Variants in MIA3 observed in about 807,000 individuals in gnomAD.
MIA3 encodes transport and Golgi organization protein 1 homolog.
MIA3 carries 90 observed loss-of-function variants against 192.4 expected under a neutral mutation model. The ratio of observed to expected loss-of-function variants is 0.47; its 90% CI spans 0.39 to 0.56. MIA3 has a LOEUF of 0.56. MIA3 is among the 20% of genes least tolerant of loss of function. MIA3 has a pLI of 0.00. For missense variants in MIA3, 2,123 were observed against 2,269.4 expected (o/e 0.94, Z 1.31); for synonymous variants, 740 against 792.8 (o/e 0.93, Z 1.12).
intron 17 of MIA3, 47 bp from the exon 18 acceptor site, chr1:222,654,608 A>C (rs779138000): frequency 6.2e-7 from 1 of 1,601,172 alleles, no homozygotes; most frequent in Non-Finnish European, 8.5e-7. Flanking sequence ...CCAAGTTCTC[A>C]AGTTCTTGTG....
At chr1:222,644,362 A>G (rs1663021686) in intron 6 of MIA3, 2 of 1,503,842 alleles carry the variant, frequency 1.3e-6, no homozygotes, top group African/African-American at 1.4e-5. Flanking sequence ...GCGAAGTTCA[A>G]TCCCAGAGTC....
At position 222,644,357 on chromosome 1, in the gene MIA3, G is replaced by A; in HGVS notation, c.3478-1197G>A. On this transcript the variant is annotated intron_variant, in intron 6 of 27. Transcript: ENST00000344922. ...AGTGCAGGCAGCTGTGGAAGGCGAA[G>A]TTCAATCCCAGAGTCCGCCCCCTGA... 2.0e-6 allele frequency: 3 copies of A among 1,497,290 alleles called. No individual in the cohort carries two copies. In the South Asian group the frequency reaches 3.9e-5, roughly 19 times the overall value. 92.8% of individuals were successfully genotyped at this position (1,497,290 alleles called of 1,614,324 possible). A position where few individuals can be genotyped will look rare whatever the true frequency, so the allele number is the denominator to read the frequency against.
chr1:222,628,114 A>G lies in MIA3; in HGVS notation c.894A>G (p.Ser298=). The G allele has an allele frequency of 1.2e-6, 2 of 1,614,022 alleles. No homozygotes were observed. Among genetic ancestry groups the G allele is most frequent in the Non-Finnish European group, 1.7e-6 (2 of 1,180,034 alleles). Residue 298 remains serine (S), a synonymous_variant, in exon 4 of 28, where the codon TCA becomes TCG. Transcript: ENST00000344922. ...ATGAGACAACCAGACTCGTTACTTC[A>G]TTAGAAGATGATTTTGATGAGGAAT... ...SDDETTRLVT[S]LEDDFDEELD...
intron 18 of MIA3, among the ~76,000 whole-genome samples, chr1:222,657,205 C>A (rs1571905355): frequency 6.6e-6 from 1 of 152,194 alleles, no homozygotes; most frequent in African/African-American, 2.4e-5. Context: ...TAAAATCATT[C>A]AAAAATGGCT....
At chr1:222,646,733 C>CA (rs1034990060) in intron 7 of MIA3, among the ~76,000 whole-genome samples, 242 of 151,724 alleles carry the variant, frequency 1.6e-3, no homozygotes, top group African/African-American at 5.7e-3. Flanking sequence ...GACTCTGTCT[C>CA]AAAAAAAAGT....
rs759301619 is a variant in MIA3 at position 222,629,101 on chromosome 1, A to G, written c.1881A>G (p.Gln627=). 6.2e-7 allele frequency: 1 copy of G among 1,614,246 alleles called. No homozygotes were observed. The highest frequency in any genetic ancestry group is 1.1e-5 in the South Asian group (1 of 91,084). ...AAGAGGAATTAGTTCTTAAAACTCA[A>G]AACCAACCTAGATTCTCCTCTCCAG... is the stretch of plus-strand genomic sequence containing the variant. ...ELKEELVLKT[Q]NQPRFSSPDE... is the part of the protein sequence containing the mutation. Residue 627 remains glutamine, a synonymous_variant, in exon 4 of 28, where the codon CAA becomes CAG. Transcript: ENST00000344922.
chr1:222,621,176 G>A lies in MIA3; in HGVS notation c.151G>A (p.Glu51Lys). ...DECSMLMYRG[E>K]ALEDFTGPDC... is the part of the protein sequence containing the mutation. Reference sequence around the variant, plus strand: ...ATATACAGTGTTAATGTACCGCGGTGAGGCTCTTGAAGATTTCACAGGCCC... The same window carrying A: ...ATATACAGTGTTAATGTACCGCGGTAAGGCTCTTGAAGATTTCACAGGCCC... Residue 51 changes from glutamate (E) to lysine (K), a missense_variant, in exon 2 of 28, where the codon GAG becomes AAG. By Grantham distance (56) the Glu-to-Lys change is moderately conservative (BLOSUM62 1). Transcript: ENST00000344922. 1 of 1,612,708 alleles carries A rather than the reference G, an allele frequency of 6.2e-7. No individual in the cohort carries two copies.
At chr1:222,644,326 A>C in intron 6 of MIA3, 2 of 1,456,224 alleles carry the variant, frequency 1.4e-6, no homozygotes, top group Non-Finnish European at 1.8e-6. Flanking sequence ...GGCGGCATAA[A>C]GCGAAAGTGC....
Position 222,631,906 on chromosome 1 carries a change from C to T in MIA3, c.3170-259C>T, listed in dbSNP as rs148462519. ...ATTTGTGTGGGTGTAGGCTGATTTG[C>T]CAAGGAAAGATGTTACTGAAGTCCC... On this transcript the variant is annotated intron_variant, in intron 4 of 27. Transcript: ENST00000344922. Among the ~76,000 whole-genome samples the T allele has an allele frequency of 5.9e-5, 9 of 152,196 alleles. No individual in the cohort carries two copies. In the East Asian group the frequency reaches 1.7e-3, roughly 29 times the overall value.
intron 6 of MIA3, among the ~76,000 whole-genome samples, chr1:222,637,415 C>T (rs1250118159): frequency 2.6e-5 from 4 of 152,054 alleles, no homozygotes; most frequent in Admixed American, 1.3e-4. Context: ...ATTGTTCCTC[C>T]TTCATTTAAA....
chr1:222,618,530 CG>C (rs1033273265), intron 1 of MIA3, among the ~76,000 whole-genome samples: 1 of 152,202 alleles, frequency 6.6e-6, no homozygotes, highest in Non-Finnish European at 1.5e-5. Context: ...TCTGCTGAGG[CG>C]GGGGGTTGCT....
intron 27 of MIA3, among the ~76,000 whole-genome samples, chr1:222,664,676 G>T (rs1461465577): frequency 6.6e-6 from 1 of 152,094 alleles, no homozygotes; most frequent in Non-Finnish European, 1.5e-5. Context: ...TAATTAGATG[G>T]AGCTGGAAAG....
rs746787224 is a variant in MIA3, at chr1:222,628,143, A to C, written c.923A>C (p.Asp308Ala). 8 of 1,614,006 alleles carry C rather than the reference A, an allele frequency of 5.0e-6. No individual in the cohort carries two copies. The South Asian group carries it at 8.8e-5, about 18-fold the overall frequency. The change falls in exon 4 of 28, where the codon GAT becomes GCT. Residue 308 changes from aspartate (D) to alanine (A), a missense_variant. This residue lies in a region of MIA3 where 1,357 missense variants were observed against 1,396.1 expected (regional missense o/e 0.97). Transcript: ENST00000344922. ...SLEDDFDEEL[D>A]TEYYAVGKED... ...GAAGATGATTTTGATGAGGAATTGG[A>C]TACTGAGTATTATGCAGTTGGAAAG...
chr1:222,654,405 C>T lies in MIA3; in HGVS notation c.4394C>T (p.Ser1465Leu), dbSNP rs770718812. 5 of 1,613,626 alleles carry T rather than the reference C, an allele frequency of 3.1e-6. No homozygotes were observed. Among genetic ancestry groups the T allele is most frequent in the Admixed American group, 3.3e-5 (2 of 60,008 alleles). ...AATTTTTAGACACAGACTGCAATAT[C>T]GGTAGTTGAAGAGGATCTAAAGCTT... ...MDVSRTQTAI[S>L]VVEEDLKLLQ... Residue 1465 changes from serine to leucine, a missense_variant, in exon 17 of 28, where the codon TCG (serine) becomes TTG (leucine). Ser to Leu is a moderately radical substitution (Grantham distance 145). Around this residue, in one of 3 missense-constraint regions of MIA3, gnomAD observed 762 missense variants for 856.4 expected, o/e 0.89. Coordinates refer to ENST00000344922, the MANE Select transcript of MIA3 (RefSeq NM_198551.4).
chr1:222,657,746 A>G (rs1199474085), intron 18 of MIA3, among the ~76,000 whole-genome samples: 1 of 152,236 alleles, frequency 6.6e-6, no homozygotes, highest in Non-Finnish European at 1.5e-5. Flanking sequence ...GGTGGTACTT[A>G]CCATAGCCAT....
intron 19 of MIA3, 102 bp from the exon 20 acceptor site, chr1:222,659,351 C>T: frequency 1.0e-6 from 1 of 967,344 alleles, no homozygotes. Context: ...TCTGGATAAG[C>T]TCTATTAGGG....
At chr1:222,627,242 C>T (rs776457957) in intron 3 of MIA3, among the ~76,000 whole-genome samples, 2 of 152,226 alleles carry the variant, frequency 1.3e-5, no homozygotes, top group Admixed American at 1.3e-4. Context: ...CCCTGTAAAA[C>T]GGACAGCATG....
At chr1:222,657,023 T>G (rs1292829505) in intron 18 of MIA3, among the ~76,000 whole-genome samples, 6 of 152,340 alleles carry the variant, frequency 3.9e-5, no homozygotes, top group South Asian at 2.1e-4. Context: ...TCTTCTAGAT[T>G]GTGATTACAT....
chr1:222,660,605 T>C (rs556575130), intron 24 of MIA3: 1 of 218,984 alleles, frequency 4.6e-6, no homozygotes, highest in East Asian at 1.2e-4. Context: ...CAAATACAGC[T>C]GACCCTTGAA....
Sources: allele counts gnomAD v4.1 joint callset (sites outside exome capture counted in the v4.1 genomes callset), GRCh38; gene constraint gnomAD v4.1.1; regional missense constraint gnomAD v4.1.1; transcripts MANE v1.5; gene names NCBI Gene and HGNC (gene_info 2026-07-23, HGNC 2026-07-21).